The following SLC24A2 variants were observed in gnomAD, a reference collection of about 807,000 sequenced individuals.
The protein encoded by SLC24A2 is solute carrier family 24 member 2.
SLC24A2 carries 36 observed loss-of-function variants against 62.0 expected under a neutral mutation model. The ratio of observed to expected loss-of-function variants is 0.58; its 90% CI spans 0.44 to 0.77. SLC24A2 has a LOEUF of 0.77. SLC24A2 is among the 30% of genes least tolerant of loss of function. SLC24A2 has a pLI of 0.00. For missense variants in SLC24A2, 846 were observed against 817.9 expected, an observed-to-expected ratio of 1.03 and a Z score of -0.42; for synonymous variants, 358 against 294.0, an observed-to-expected ratio of 1.22 and a Z score of -2.23.
At chr9:19,789,187 C>G (rs951776664), upstream of SLC24A2, among the ~76,000 whole-genome samples, 2 of 152,236 alleles carry the variant, frequency 1.3e-5, no homozygotes, top group African/African-American at 4.8e-5. Flanking sequence ...GCAGAGGCGA[C>G]GCTGGCAGCC....
chr9:20,232,038 T>C, the SLC24A2 span, among the ~76,000 whole-genome samples: 1 of 152,230 alleles, frequency 6.6e-6, no homozygotes, highest in Non-Finnish European at 1.5e-5. Context: ...GGATTACATT[T>C]ATTGATTTGC....
At chr9:19,851,260 G>A in the SLC24A2 span, among the ~76,000 whole-genome samples, 1 of 150,824 alleles carries the variant, frequency 6.6e-6, no homozygotes, top group Non-Finnish European at 1.5e-5. Flanking sequence ...CCTGACCTCA[G>A]GTAATCCACC....
At chr9:19,738,413 G>A (rs557499278) in intron 2 of SLC24A2, among the ~76,000 whole-genome samples, 4 of 152,182 alleles carry the variant, frequency 2.6e-5, no homozygotes, top group South Asian at 2.1e-4. Flanking sequence ...GAGAGAGAAC[G>A]CATGCATTCT....
At chr9:19,831,074 C>A in the SLC24A2 span, among the ~76,000 whole-genome samples, 1 of 152,302 alleles carries the variant, frequency 6.6e-6, no homozygotes, top group Admixed American at 6.5e-5. Flanking sequence ...TAACCTTGAA[C>A]CCTTTTATAA....
chr9:19,744,471 T>C (rs1376351738), intron 2 of SLC24A2, among the ~76,000 whole-genome samples: 1 of 152,108 alleles, frequency 6.6e-6, no homozygotes, highest in Non-Finnish European at 1.5e-5. Flanking sequence ...ACTCCTATGC[T>C]CGTAGAGGAC....
At chr9:20,259,212 G>C in the SLC24A2 span, among the ~76,000 whole-genome samples, 1 of 152,138 alleles carries the variant, frequency 6.6e-6, no homozygotes, top group Non-Finnish European at 1.5e-5. Context: ...CTGATACCTT[G>C]ATTTTAGCCC....
the SLC24A2 span, among the ~76,000 whole-genome samples, chr9:20,221,578 T>A: frequency 6.8e-6 from 1 of 146,218 alleles, no homozygotes; most frequent in African/African-American, 2.5e-5. Flanking sequence ...ATGGTAGTTA[T>A]CTAAAATTGA....
upstream of SLC24A2, among the ~76,000 whole-genome samples, chr9:19,790,713 C>G (rs921004196): frequency 2.0e-5 from 3 of 152,022 alleles, no homozygotes; most frequent in Non-Finnish European, 4.4e-5. Flanking sequence ...TTTATTTTGC[C>G]TTTTCTATAC....
the SLC24A2 span, among the ~76,000 whole-genome samples, chr9:20,291,154 A>T: frequency 6.6e-6 from 1 of 152,190 alleles, no homozygotes; most frequent in Non-Finnish European, 1.5e-5. Context: ...AAAATAAGTG[A>T]AAAATGCCTG....
chr9:19,732,330 C>G (rs1258368718), intron 2 of SLC24A2, among the ~76,000 whole-genome samples: 1 of 152,174 alleles, frequency 6.6e-6, no homozygotes, highest in Non-Finnish European at 1.5e-5. Flanking sequence ...AGAGAAAACT[C>G]TGACTTGTAG....
intron 2 of SLC24A2, among the ~76,000 whole-genome samples, chr9:19,784,591 A>C (rs1361811651): frequency 6.6e-6 from 1 of 152,200 alleles, no homozygotes; most frequent in Non-Finnish European, 1.5e-5. Context: ...AACGGACTCG[A>C]GGAGAGCACT....
the SLC24A2 span, among the ~76,000 whole-genome samples, chr9:20,304,626 GTA>G: frequency 2.0e-5 from 3 of 152,054 alleles, no homozygotes; most frequent in African/African-American, 7.2e-5. Flanking sequence ...ATAAAACCCA[GTA>G]TATGCTTATT....
At chr9:19,630,031 A>G (rs1818137280) in intron 2 of SLC24A2, among the ~76,000 whole-genome samples, 2 of 152,224 alleles carry the variant, frequency 1.3e-5, no homozygotes, top group African/African-American at 4.8e-5. Flanking sequence ...CCTGCATTTC[A>G]GAATAAATAT....
chr9:19,682,132 A>G (rs1002816770), intron 2 of SLC24A2, among the ~76,000 whole-genome samples: 1 of 152,152 alleles, frequency 6.6e-6, no homozygotes, highest in Non-Finnish European at 1.5e-5. Context: ...ATCTTGCATC[A>G]TGGATGTGCT....
At chr9:19,647,228 T>A (rs560957939) in intron 2 of SLC24A2, among the ~76,000 whole-genome samples, 10 of 142,424 alleles carry the variant, frequency 7.0e-5, no homozygotes, top group Admixed American at 2.8e-4. Flanking sequence ...GACATCTATG[T>A]ATCCCCCATA....
chr9:19,715,930 G>C (rs570281758), intron 2 of SLC24A2, among the ~76,000 whole-genome samples: 11 of 152,160 alleles, frequency 7.2e-5, no homozygotes, highest in African/African-American at 2.7e-4. Context: ...GAGAAGAAAA[G>C]TTTTCTCTCT....
At chr9:19,753,866 G>A (rs1822055888) in intron 2 of SLC24A2, among the ~76,000 whole-genome samples, 1 of 152,080 alleles carries the variant, frequency 6.6e-6, no homozygotes, top group Non-Finnish European at 1.5e-5. Context: ...AGTGGCAGGG[G>A]ATGAGACCCA....
intron 2 of SLC24A2, among the ~76,000 whole-genome samples, chr9:19,726,338 G>A (rs1417971269): frequency 6.6e-6 from 1 of 152,108 alleles, no homozygotes; most frequent in Non-Finnish European, 1.5e-5. Flanking sequence ...GACAAAATCA[G>A]GTTCTATAAA....
chr9:20,213,891 T>C, the SLC24A2 span, among the ~76,000 whole-genome samples: 1 of 152,218 alleles, frequency 6.6e-6, no homozygotes, highest in Admixed American at 6.5e-5. Flanking sequence ...TATTATGATC[T>C]ATATCATTGT....
Sources: allele counts gnomAD v4.1 joint callset (sites outside exome capture counted in the v4.1 genomes callset), GRCh38; gene constraint gnomAD v4.1.1; transcripts MANE v1.5; gene names NCBI Gene and HGNC (gene_info 2026-07-23, HGNC 2026-07-21).